OCA2: variants seen among roughly 807,000 people sequenced by gnomAD.
The protein encoded by OCA2 is OCA2 melanosomal transmembrane protein, also known as P protein.
A neutral mutation model predicts 100.2 loss-of-function variants in OCA2; 77 were observed. The ratio of observed to expected loss-of-function variants is 0.77; its 90% CI spans 0.64 to 0.93. The LOEUF (loss-of-function observed/expected upper bound fraction) is 0.93, where lower values mean the gene tolerates loss of function less well. Ranked by LOEUF, OCA2 falls within the 40% of genes least tolerant of loss-of-function variation. The pLI is 0.00. For missense variants in OCA2, 1,062 were observed against 1,089.1 expected (o/e 0.98, Z 0.35); for synonymous variants, 432 against 439.2 (o/e 0.98, Z 0.21).
At chr15:27,828,761 G>A (rs976149506) in intron 23 of OCA2, among the ~76,000 whole-genome samples, 1 of 152,174 alleles carries the variant, frequency 6.6e-6, no homozygotes, top group Admixed American at 6.5e-5. Flanking sequence ...GATGTGGCTT[G>A]GGGTAAACCG....
At chr15:27,973,508 T>C (rs868538392) in intron 14 of OCA2, among the ~76,000 whole-genome samples, 177 of 152,306 alleles carry the variant, frequency 1.2e-3, no homozygotes, top group African/African-American at 4.0e-3. Context: ...TGGCTTTATG[T>C]CTGGGTTCTC....
intron 19 of OCA2, among the ~76,000 whole-genome samples, chr15:27,873,352 C>T (rs1479186118): frequency 6.6e-6 from 1 of 152,216 alleles, no homozygotes; most frequent in Non-Finnish European, 1.5e-5. Flanking sequence ...AAATCACCCC[C>T]TGTTAAGAAC....
chr15:28,022,186 G>A (rs759102257), intron 6 of OCA2, among the ~76,000 whole-genome samples: 35 of 152,192 alleles, frequency 2.3e-4, no homozygotes, highest in Non-Finnish European at 4.4e-4. Flanking sequence ...GATGGGTCAC[G>A]CTGAACGCAA....
intron 19 of OCA2, among the ~76,000 whole-genome samples, chr15:27,874,928 G>A (rs561655935): frequency 1.5e-4 from 23 of 152,262 alleles, no homozygotes; most frequent in African/African-American, 5.5e-4. Context: ...AAATGCACAT[G>A]AAAACTTGAG....
In OCA2 at chr15:27,872,229, A is replaced by G. The variant is rs1020533428; in HGVS notation, c.2080-307T>C. 3.3e-5 allele frequency among the ~76,000 whole-genome samples: 5 copies of G among 152,262 alleles called. No homozygotes were observed. The East Asian group carries it at 9.6e-4, about 29-fold the overall frequency. Reference sequence around the variant, plus strand: ...AGACCTGTGTATAAAGATACTGTTCAATCGTACATAATGAAATACCACTCC... The same window carrying G: ...AGACCTGTGTATAAAGATACTGTTCGATCGTACATAATGAAATACCACTCC... On this transcript the variant is annotated intron_variant, in intron 19 of 23. Coordinates refer to ENST00000354638, the MANE Select transcript of OCA2 (RefSeq NM_000275.3).
chr15:27,771,878 C>A (rs1239120172), intron 23 of OCA2, among the ~76,000 whole-genome samples: 2 of 152,216 alleles, frequency 1.3e-5, no homozygotes, highest in African/African-American at 4.8e-5. Context: ...ACCAGTTCTG[C>A]CATTTTTAGT....
chr15:28,017,076 G>C (rs2042419921), intron 7 of OCA2, among the ~76,000 whole-genome samples: 1 of 151,258 alleles, frequency 6.6e-6, no homozygotes, highest in African/African-American at 2.4e-5. Context: ...GGGGCGGGGG[G>C]GGACCCTCAA....
chr15:27,913,852 A>AAAG (rs2038510878), intron 19 of OCA2, among the ~76,000 whole-genome samples: 1 of 38,286 alleles, frequency 2.6e-5, no homozygotes, highest in African/African-American at 1.3e-4. Context: ...AGAAAGAAAG[A>AAAG]AAGAAAGAAA....
chr15:28,009,684 TCACACACACACACA>T (rs747425942), intron 9 of OCA2, among the ~76,000 whole-genome samples: 49 of 138,110 alleles, frequency 3.5e-4, no homozygotes, highest in South Asian at 9.9e-4. Context: ...CGAGATTCTG[TCACACACACACACA>T]CACACACACA....
At chr15:27,903,001 C>T (rs1055036384) in intron 19 of OCA2, among the ~76,000 whole-genome samples, 1 of 152,160 alleles carries the variant, frequency 6.6e-6, no homozygotes, top group African/African-American at 2.4e-5. Context: ...ACAGGGCACC[C>T]GGGTCAGGGA....
intron 23 of OCA2, among the ~76,000 whole-genome samples, chr15:27,795,554 T>G (rs2151148214): frequency 1.3e-5 from 2 of 152,250 alleles, no homozygotes; most frequent in East Asian, 3.9e-4. Flanking sequence ...TCTCACCCTC[T>G]CTCTCAGCTG....
At chr15:28,082,559 T>C (rs190232525) in intron 1 of OCA2, among the ~76,000 whole-genome samples, 104 of 152,368 alleles carry the variant, frequency 6.8e-4, no homozygotes, top group African/African-American at 2.3e-3. Context: ...CATGAAATTC[T>C]GTGCTACATT....
At chr15:27,766,384 T>A (rs2031263686) in intron 23 of OCA2, among the ~76,000 whole-genome samples, 1 of 152,066 alleles carries the variant, frequency 6.6e-6, no homozygotes, top group Admixed American at 6.5e-5. Context: ...GTGCTCAGAG[T>A]TCCCAGCTAA....
chr15:28,046,656 C>T (rs2043356900), intron 2 of OCA2, among the ~76,000 whole-genome samples: 1 of 152,174 alleles, frequency 6.6e-6, no homozygotes, highest in African/African-American at 2.4e-5. Flanking sequence ...AAGGGGCAAC[C>T]AACCATGCAC....
intron 19 of OCA2, among the ~76,000 whole-genome samples, chr15:27,883,511 C>T (rs1388790514): frequency 2.0e-5 from 3 of 152,176 alleles, no homozygotes; most frequent in Non-Finnish European, 2.9e-5. Context: ...TTCCTGTGTC[C>T]AATCCTCCCC....
intron 19 of OCA2, among the ~76,000 whole-genome samples, chr15:27,904,126 C>A (rs2038074313): frequency 6.6e-6 from 1 of 152,314 alleles, no homozygotes; most frequent in South Asian, 2.1e-4. Flanking sequence ...CATTTCCTTT[C>A]GCCTCTGAAC....
intron 2 of OCA2, among the ~76,000 whole-genome samples, chr15:28,070,525 T>C (rs1265011956): frequency 7.3e-6 from 1 of 137,806 alleles, no homozygotes; most frequent in African/African-American, 2.9e-5. Flanking sequence ...AGCCGCCCCG[T>C]CCGGGAGGGA....
chr15:27,932,270 C>A (rs995898261), intron 18 of OCA2, among the ~76,000 whole-genome samples: 6 of 152,170 alleles, frequency 3.9e-5, no homozygotes, highest in African/African-American at 1.4e-4. Flanking sequence ...AGCTGAGGCA[C>A]TGAAGCAAGG....
chr15:27,861,722 C>G (rs2036139329), intron 21 of OCA2, among the ~76,000 whole-genome samples: 1 of 152,118 alleles, frequency 6.6e-6, no homozygotes, highest in African/African-American at 2.4e-5. Context: ...AAGAAAAACT[C>G]AATTGCAGTA....
Sources: allele counts gnomAD v4.1 joint callset (sites outside exome capture counted in the v4.1 genomes callset), GRCh38; gene constraint gnomAD v4.1.1; transcripts MANE v1.5; gene names NCBI Gene and HGNC (gene_info 2026-07-23, HGNC 2026-07-21).